Variants in RHD observed in about 807,000 individuals in gnomAD.
RHD encodes the protein Rh blood group D antigen, also known as blood group Rh(D) polypeptide.
RHD carries 16 observed loss-of-function variants against 45.5 expected under a neutral mutation model. That is an observed-to-expected ratio of 0.35 (90% CI 0.24 to 0.53). RHD has a LOEUF of 0.53. RHD is among the 20% of genes least tolerant of loss of function. RHD has a pLI of 0.92. For synonymous variants in RHD, 131 were observed against 217.5 expected (o/e 0.60, Z 3.50); for missense variants, 306 against 532.0 (o/e 0.58, Z 4.18).
chr1:25,319,811 A>G (rs1458257263), intron 8 of RHD, among the ~76,000 whole-genome samples: 2 of 132,738 alleles, frequency 1.5e-5, no homozygotes, highest in Non-Finnish European at 1.8e-5. Flanking sequence ...GAAATAGCAG[A>G]TTAGAGGTGG....
chr1:25,275,038 C>T (rs1311132952), intron 1 of RHD, among the ~76,000 whole-genome samples: 3 of 131,016 alleles, frequency 2.3e-5, no homozygotes, highest in African/African-American at 7.8e-5. Flanking sequence ...CCTGTAATCC[C>T]AAACACTTTG....
rs1408107193 is a variant in RHD, at chr1:25,275,449, T to C, written c.148+2754T>C. On this transcript the variant is annotated intron_variant, in intron 1 of 9. Coordinates refer to ENST00000328664, the MANE Select transcript of RHD (RefSeq NM_016124.6). ...GAGGAAGCCATGCCAGGGCTGGTGT[T>C]GGGCACAGGGAAAGGGGCATGGCTT... Among the ~76,000 whole-genome samples the C allele has an allele frequency of 2.3e-5, 3 of 131,548 alleles. 1 individual carries two copies. The highest frequency in any genetic ancestry group is 5.4e-5 in the Non-Finnish European group (3 of 55,566). 86.3% of individuals were successfully genotyped at this position (131,548 alleles called of 152,430 possible). A position where few individuals can be genotyped will look rare whatever the true frequency, so the allele number is the denominator to read the frequency against.
rs1644972671 is a variant in RHD at position 25,330,207 on chromosome 1, C to G, written c.*1283C>G. The G allele has an allele frequency of 7.5e-6, 1 of 132,800 alleles. No homozygotes were observed. Among genetic ancestry groups the G allele is most frequent in the African/African-American group, 2.6e-5 (1 of 38,926 alleles). 8.2% of individuals were successfully genotyped at this position (132,800 alleles called of 1,614,324 possible). A position where few individuals can be genotyped will look rare whatever the true frequency, so the allele number is the denominator to read the frequency against. Reference sequence around the variant, plus strand: ...CTGCTATGTGTCACACTTTGCCAAACAGGATGTGGAAAATGAATAAGCGGT... The same window carrying G: ...CTGCTATGTGTCACACTTTGCCAAAGAGGATGTGGAAAATGAATAAGCGGT... On this transcript the variant is annotated 3_prime_UTR_variant, in exon 10 of 10. Coordinates refer to ENST00000328664, the MANE Select transcript of RHD (RefSeq NM_016124.6).
At chr1:25,314,959 C>A (rs1486637258) in intron 7 of RHD, among the ~76,000 whole-genome samples, 1 of 130,630 alleles carries the variant, frequency 7.7e-6, no homozygotes, top group Non-Finnish European at 1.8e-5. Flanking sequence ...AATCCCAGCA[C>A]TTTGGGAGGC....
rs1465253327 is a variant in RHD at position 25,280,782 on chromosome 1, T to G, written c.149-3791T>G. ...ACTCGCCACCACGCCCAAGTAATTT[T>G]GTATTTTTTGTAGAGACAAGGTCTT... is the stretch of plus-strand genomic sequence containing the variant. On this transcript the variant is annotated intron_variant, in intron 1 of 9. Coordinates refer to ENST00000328664, the MANE Select transcript of RHD (RefSeq NM_016124.6). 2.4e-4 allele frequency among the ~76,000 whole-genome samples: 32 copies of G among 130,728 alleles called. 4 individuals are homozygous for G. The highest frequency in any genetic ancestry group is 8.1e-4 in the African/African-American group (31 of 38,112). The allele number at this position is 130,728 out of a possible 152,430, so 85.8% of individuals were successfully genotyped here. A position where few individuals can be genotyped will look rare whatever the true frequency, so the allele number is the denominator to read the frequency against.
At chr1:25,290,817 A>T (rs1258773964) in intron 3 of RHD, 26 bp downstream of exon 3, 1 of 1,374,146 alleles carries the variant, frequency 7.3e-7, no homozygotes, top group African/African-American at 1.4e-5. Context: ...GGGAGGAGGG[A>T]CCTGGGAGAA....
intron 2 of RHD, among the ~76,000 whole-genome samples, 198 bp from the exon 3 acceptor site, chr1:25,290,443 C>T (rs1371734286): frequency 1.6e-5 from 2 of 127,538 alleles, no homozygotes; most frequent in East Asian, 3.9e-4. Flanking sequence ...GCAGAGGCCA[C>T]CTTAACGGGA....
intron 7 of RHD, among the ~76,000 whole-genome samples, chr1:25,315,146 C>G (rs1262713601): frequency 7.7e-6 from 1 of 129,660 alleles, no homozygotes; most frequent in African/African-American, 2.6e-5. Flanking sequence ...CACAGCAAGA[C>G]TCCATCTCAA....
chr1:25,303,628 T>G (rs139684880), intron 6 of RHD, among the ~76,000 whole-genome samples, 169 bp downstream of exon 6: 1 of 131,350 alleles, frequency 7.6e-6, no homozygotes, highest in East Asian at 2.0e-4. Context: ...GGCGCATTTG[T>G]TAAGATGCTC....
In RHD at chr1:25,321,868, T is replaced by C; in HGVS notation, c.1154-21T>C. 2 of 1,121,740 alleles carry C rather than the reference T, an allele frequency of 1.8e-6. 1 individual carries two copies. Among genetic ancestry groups the C allele is most frequent in the South Asian group, 2.5e-5 (2 of 79,852 alleles). 69.5% of individuals were successfully genotyped at this position (1,121,740 alleles called of 1,614,324 possible). The stretch of plus-strand genomic sequence containing the variant: ...ATCCTGTGCTCCAAATCTTTTAACA[T>C]TAAATTATGCATTTAAACAGGTTTG... On this transcript the variant is annotated intron_variant, in intron 8 of 9. Coordinates refer to ENST00000328664, the MANE Select transcript of RHD (RefSeq NM_016124.6).
chr1:25,322,275 T>C (rs1185342387), intron 9 of RHD, among the ~76,000 whole-genome samples: 1 of 132,528 alleles, frequency 7.5e-6, no homozygotes, highest in South Asian at 2.3e-4. Flanking sequence ...TAGTCTGACA[T>C]GCGGGTGACA....
At chr1:25,287,373 G>A (rs1249269054) in intron 2 of RHD, among the ~76,000 whole-genome samples, 1 of 135,438 alleles carries the variant, frequency 7.4e-6, no homozygotes, top group South Asian at 2.2e-4. Context: ...CGAGAAGGGA[G>A]AGAAGTCACT....
chr1:25,286,556 G>T (rs1642012675), intron 2 of RHD, among the ~76,000 whole-genome samples: 1 of 134,428 alleles, frequency 7.4e-6, no homozygotes, highest in African/African-American at 2.6e-5. Flanking sequence ...GGAGGCCAAG[G>T]CGGGGGGATC....
chr1:25,273,155 A>G (rs2124579551), intron 1 of RHD, among the ~76,000 whole-genome samples: 1 of 129,056 alleles, frequency 7.7e-6, no homozygotes, highest in African/African-American at 2.6e-5. Context: ...TTTCTTTTTG[A>G]GGCAGGGTCT....
rs1341932880 is a variant in RHD, at chr1:25,281,733, G to C, written c.149-2840G>C. 2.3e-5 allele frequency among the ~76,000 whole-genome samples: 3 copies of C among 131,168 alleles called. 1 individual carries two copies. The highest frequency in any genetic ancestry group is 5.4e-5 in the Non-Finnish European group (3 of 55,460). The allele number at this position is 131,168 out of a possible 152,430, so 86.1% of individuals were successfully genotyped here. A position where few individuals can be genotyped will look rare whatever the true frequency, so the allele number is the denominator to read the frequency against. The stretch of plus-strand genomic sequence containing the variant: ...TCCTTGTTGTCAGAAGAAGTGCAAA[G>C]AGTTGAATCCTTCCTAATGCCCACT... On this transcript the variant is annotated intron_variant, in intron 1 of 9. Coordinates refer to ENST00000328664, the MANE Select transcript of RHD (RefSeq NM_016124.6).
At chr1:25,320,059 C>T (rs1472304084) in intron 8 of RHD, among the ~76,000 whole-genome samples, 2 of 131,050 alleles carry the variant, frequency 1.5e-5, no homozygotes, top group East Asian at 2.0e-4. Context: ...CCACCACACC[C>T]GGCTAATTTT....
intron 7 of RHD, among the ~76,000 whole-genome samples, chr1:25,315,501 C>CT (rs1189263980): frequency 0.051 from 5,816 of 114,094 alleles, 996 homozygotes; most frequent in African/African-American, 0.15. Context: ...TTCTTTCTTT[C>CT]TTTTTTTTTT....
At chr1:25,321,814 C>A in intron 8 of RHD, 75 bp from the exon 9 acceptor site, 1 of 802,152 alleles carries the variant, frequency 1.2e-6, no homozygotes, top group Non-Finnish European at 2.1e-6. Flanking sequence ...TTTTGACACA[C>A]AATATTTCGA....
chr1:25,322,649 G>C (rs553408584), intron 9 of RHD, among the ~76,000 whole-genome samples: 1 of 128,830 alleles, frequency 7.8e-6, no homozygotes, highest in Non-Finnish European at 1.8e-5. Context: ...CTCCAGCCTG[G>C]GTGACAGAGC....
Sources: gnomAD v4.1 joint callset for allele counts (sites outside exome capture counted in the v4.1 genomes callset) on GRCh38, gnomAD v4.1.1 for gene constraint, MANE v1.5 for transcripts, NCBI Gene and HGNC (gene_info 2026-07-23, HGNC 2026-07-21) for gene names.